The following CNTNAP2 variants were observed in gnomAD, a reference collection of about 807,000 sequenced individuals.
CNTNAP2 encodes the protein contactin-associated protein-like 2.
A neutral mutation model predicts 155.2 loss-of-function variants in CNTNAP2; 98 were observed. The ratio of observed to expected loss-of-function variants is 0.63; its 90% CI spans 0.54 to 0.75. CNTNAP2 has a LOEUF of 0.75. Ranked by LOEUF, CNTNAP2 falls within the 30% of genes least tolerant of loss-of-function variation. CNTNAP2 has a pLI of 0.00. For synonymous variants in CNTNAP2, 651 were observed against 631.2 expected (o/e 1.03, Z -0.47); for missense variants, 1,727 against 1,688.1 (o/e 1.02, Z -0.40).
intron 1 of CNTNAP2, among the ~76,000 whole-genome samples, chr7:146,260,221 T>C (rs113964865): frequency 0.041 from 6,308 of 152,240 alleles, 401 homozygotes; most frequent in African/African-American, 0.14. Context: ...CATCTGGATG[T>C]CCAGGCAGAA....
intron 15 of CNTNAP2, among the ~76,000 whole-genome samples, chr7:147,983,397 A>T (rs1801566095): frequency 6.6e-6 from 1 of 152,054 alleles, no homozygotes; most frequent in African/African-American, 2.4e-5. Flanking sequence ...TTCTCTCTTG[A>T]TTCTCTCAAC....
intron 1 of CNTNAP2, among the ~76,000 whole-genome samples, chr7:146,249,315 T>C (rs1799720043): frequency 1.3e-5 from 2 of 152,240 alleles, no homozygotes; most frequent in Non-Finnish European, 2.9e-5. Flanking sequence ...TCATGTTATC[T>C]AATCTGGAAA....
chr7:146,853,610 T>A (rs962494763), intron 3 of CNTNAP2, among the ~76,000 whole-genome samples: 14 of 152,226 alleles, frequency 9.2e-5, no homozygotes, highest in Admixed American at 2.0e-4. Context: ...TGTCAATTAC[T>A]GTAACAAGAT....
chr7:147,280,224 G>A (rs965547492), intron 8 of CNTNAP2, among the ~76,000 whole-genome samples: 35 of 152,018 alleles, frequency 2.3e-4, no homozygotes, highest in African/African-American at 7.9e-4. Context: ...GTTTGCTTGA[G>A]TTCCCTTTGA....
rs577861419 is a variant in CNTNAP2 at position 148,326,265 on chromosome 7, C to G, written c.3476-57384C>G. Among the ~76,000 whole-genome samples, 3 of 152,226 alleles carry G rather than the reference C, an allele frequency of 2.0e-5. No individual in the cohort carries two copies. In the East Asian group the frequency reaches 5.8e-4, roughly 29 times the overall value. On this transcript the variant is annotated intron_variant, in intron 21 of 23. Transcript: ENST00000361727. Reference sequence around the variant, plus strand: ...GGGAGAGCTTGGCGCTCAGGACCATCTTTGGGGATCTTTTCCATCATCCAG... The same window carrying G: ...GGGAGAGCTTGGCGCTCAGGACCATGTTTGGGGATCTTTTCCATCATCCAG...
chr7:147,763,192 G>A (rs1797333439), intron 13 of CNTNAP2, among the ~76,000 whole-genome samples: 1 of 151,542 alleles, frequency 6.6e-6, no homozygotes, highest in Non-Finnish European at 1.5e-5. Flanking sequence ...CCGGGAGGCG[G>A]AGGTTGTGGT....
At chr7:147,965,535 T>C (rs749848349) in intron 14 of CNTNAP2, among the ~76,000 whole-genome samples, 1 of 151,970 alleles carries the variant, frequency 6.6e-6, no homozygotes, top group Non-Finnish European at 1.5e-5. Flanking sequence ...CATATTGATA[T>C]AGCTGATGTA....
chr7:146,774,665 G>A (rs981861146), intron 2 of CNTNAP2, among the ~76,000 whole-genome samples: 11 of 152,044 alleles, frequency 7.2e-5, no homozygotes, highest in Non-Finnish European at 1.6e-4. Flanking sequence ...AACGTTTAGA[G>A]TTAAAATTCC....
At chr7:146,956,980 G>A (rs905595471) in intron 3 of CNTNAP2, among the ~76,000 whole-genome samples, 20 of 152,108 alleles carry the variant, frequency 1.3e-4, no homozygotes, top group African/African-American at 3.6e-4. Flanking sequence ...TGAGAACTGC[G>A]TCCTTAGGAG....
At chr7:146,770,608 A>G (rs1419764964) in intron 1 of CNTNAP2, among the ~76,000 whole-genome samples, 3 of 151,824 alleles carry the variant, frequency 2.0e-5, no homozygotes, top group Non-Finnish European at 4.4e-5. Flanking sequence ...TTTAATTCTA[A>G]TTATTGTTAT....
intron 16 of CNTNAP2, among the ~76,000 whole-genome samples, chr7:148,133,280 G>A (rs2906311): frequency 0.27 from 40,879 of 151,710 alleles, 5,684 homozygotes; most frequent in East Asian, 0.34. Context: ...TGGCCAACAC[G>A]GTGAAACCCT....
chr7:147,694,597 T>C (rs940497614), intron 13 of CNTNAP2, among the ~76,000 whole-genome samples: 5 of 152,146 alleles, frequency 3.3e-5, no homozygotes, highest in Admixed American at 2.0e-4. Flanking sequence ...TTCATCTAGG[T>C]CATCAAAATA....
intron 21 of CNTNAP2, among the ~76,000 whole-genome samples, chr7:148,284,255 A>G (rs778375534): frequency 1.2e-4 from 18 of 152,142 alleles, no homozygotes; most frequent in Non-Finnish European, 2.6e-4. Flanking sequence ...GATGGGAGAT[A>G]ATTGAATCAT....
At chr7:147,822,410 G>A (rs979845225) in intron 13 of CNTNAP2, among the ~76,000 whole-genome samples, 6 of 151,984 alleles carry the variant, frequency 3.9e-5, no homozygotes, top group African/African-American at 1.4e-4. Context: ...CACTTTTTTA[G>A]TGACAAAATC....
At chr7:146,546,074 A>G (rs1798025309) in intron 1 of CNTNAP2, among the ~76,000 whole-genome samples, 1 of 151,938 alleles carries the variant, frequency 6.6e-6, no homozygotes, top group African/African-American at 2.4e-5. Flanking sequence ...GAAATGGAAC[A>G]TCCTCCTAAA....
At chr7:147,289,698 GT>G (rs1364658288) in intron 8 of CNTNAP2, among the ~76,000 whole-genome samples, 2 of 152,146 alleles carry the variant, frequency 1.3e-5, no homozygotes, top group African/African-American at 2.4e-5. Context: ...ATCAGTAATG[GT>G]TGAAAAAGCT....
chr7:146,532,151 T>C (rs1312784644), intron 1 of CNTNAP2, among the ~76,000 whole-genome samples: 1 of 151,782 alleles, frequency 6.6e-6, no homozygotes, highest in Non-Finnish European at 1.5e-5. Context: ...GAAATGAAAA[T>C]AAATTATACT....
At chr7:148,061,467 C>T (rs1245594875) in intron 15 of CNTNAP2, among the ~76,000 whole-genome samples, 1 of 152,114 alleles carries the variant, frequency 6.6e-6, no homozygotes, top group East Asian at 1.9e-4. Flanking sequence ...GAGTCTCCTG[C>T]CTCAGTTTCC....
At chr7:146,876,812 A>T (rs746007545) in intron 3 of CNTNAP2, among the ~76,000 whole-genome samples, 1 of 152,110 alleles carries the variant, frequency 6.6e-6, no homozygotes, top group Non-Finnish European at 1.5e-5. Flanking sequence ...TGTGTTTTTC[A>T]CTCAAAAAGT....
Sources: allele counts gnomAD v4.1 joint callset (sites outside exome capture counted in the v4.1 genomes callset), GRCh38; gene constraint gnomAD v4.1.1; transcripts MANE v1.5; gene names NCBI Gene and HGNC (gene_info 2026-07-23, HGNC 2026-07-21).